The following PSG11 variants were observed in gnomAD, a reference collection of about 807,000 sequenced individuals.
The protein encoded by PSG11 is pregnancy-specific beta-1-glycoprotein 11.
Under a neutral mutation model 36.0 loss-of-function variants are expected in PSG11, and 42 were observed. The observed-to-expected ratio is 1.17, with a 90% CI of 0.91 to 1.51. The LOEUF (loss-of-function observed/expected upper bound fraction) is 1.51. PSG11 is among the 40% of genes most tolerant of loss of function. PSG11 has a pLI of 0.00. For missense variants in PSG11, 558 were observed against 403.5 expected, an observed-to-expected ratio of 1.38 and a Z score of -3.28; for synonymous variants, 206 against 153.5, an observed-to-expected ratio of 1.34 and a Z score of -2.53.
chr19:43,026,001 G>A (rs1455171600), intron 1 of PSG11, among the ~76,000 whole-genome samples: 1 of 132,748 alleles, frequency 7.5e-6, no homozygotes, highest in African/African-American at 2.9e-5. Flanking sequence ...GCGTGCAGTG[G>A]CACTATCTCA....
At position 43,018,782 on chromosome 19, in the gene PSG11, G is replaced by T; in HGVS notation, c.697C>A (p.Leu233Met). 1.2e-6 allele frequency: 2 copies of T among 1,612,130 alleles called. No individual in the cohort carries two copies. Among genetic ancestry groups the T allele is most frequent in the Non-Finnish European group, 1.7e-6 (2 of 1,179,060 alleles). The change falls in exon 3 of 6, where the codon CTG (leucine) becomes ATG (methionine). Residue 233 changes from leucine (L) to methionine (M), a missense_variant. By Grantham distance (15) the Leu-to-Met change is conservative. Transcript: ENST00000320078. Reference sequence around the variant, plus strand: ...AGAAGATACTCACGGAGGAGATTCAGGGTGACTGGGTCACTGCGGCTGGCA... The same window carrying T: ...AGAAGATACTCACGGAGGAGATTCATGGTGACTGGGTCACTGCGGCTGGCA... ...GSASRSDPVT[L>M]NLLHGPDLPR...
At chr19:43,009,930 A>G in intron 5 of PSG11, 28 bp downstream of exon 5, 1 of 1,500,944 alleles carries the variant, frequency 6.7e-7, no homozygotes, top group East Asian at 2.3e-5. Context: ...CCCTGCAGGA[A>G]CCAGGATAAG....
Position 43,020,245 on chromosome 19 carries a change from C to A in PSG11, c.431-1197G>T, listed in dbSNP as rs576222783. Among the ~76,000 whole-genome samples, 61 of 151,342 alleles carry A rather than the reference C, an allele frequency of 4.0e-4. 3 individuals are homozygous for A. The highest frequency in any genetic ancestry group is 7.7e-4 in the Non-Finnish European group (52 of 67,912). On this transcript the variant is annotated intron_variant, in intron 2 of 5. Transcript: ENST00000320078. ...GGTTAAAACAAAGTGTTTTGGAATT[C>A]TAATTTTTTTTATTTTGGAATATTT... is the stretch of plus-strand genomic sequence containing the variant.
At chr19:43,022,784 C>G (rs371594003) in intron 2 of PSG11, among the ~76,000 whole-genome samples, 1 of 150,850 alleles carries the variant, frequency 6.6e-6, no homozygotes, top group Non-Finnish European at 1.5e-5. Context: ...GACATTGGCT[C>G]GAGATGAAGC....
chr19:43,013,892 T>G lies in PSG11; in HGVS notation c.964+1224A>C, dbSNP rs569187921. ...TGAAAAGTCCATTGAAAGATAAGTG[T>G]GTAGGCAAAGGAGGTGTATCTATAC... On this transcript the variant is annotated intron_variant, in intron 4 of 5. Transcript: ENST00000320078. Among the ~76,000 whole-genome samples, 34 of 151,544 alleles carry G rather than the reference T, an allele frequency of 2.2e-4. 2 individuals are homozygous for G. The highest frequency in any genetic ancestry group is 7.8e-4 in the African/African-American group (32 of 41,192).
intron 3 of PSG11, among the ~76,000 whole-genome samples, chr19:43,016,880 T>C (rs1966980127): frequency 6.6e-6 from 1 of 151,278 alleles, no homozygotes; most frequent in African/African-American, 2.4e-5. Flanking sequence ...AACTGACTGG[T>C]GGAAAGGGTG....
At chr19:43,018,150 C>T (rs1967011083) in intron 3 of PSG11, among the ~76,000 whole-genome samples, 1 of 151,154 alleles carries the variant, frequency 6.6e-6, no homozygotes, top group Admixed American at 6.6e-5. Flanking sequence ...GAGATTTGTT[C>T]CACCAGTGGC....
rs532252286 is a variant in PSG11, at chr19:43,016,173, C to G, written c.710-803G>C. On this transcript the variant is annotated intron_variant, in intron 3 of 5. Coordinates refer to ENST00000320078, the MANE Select transcript of PSG11 (RefSeq NM_002785.3). The stretch of plus-strand genomic sequence containing the variant: ...AGTCCTTGAAAGCCAATAGCTGGTG[C>G]GTGTGTCACAAGACAGATGCATGAT... The G allele has an allele frequency of 3.6e-6, 5 of 1,388,188 alleles. No homozygotes were observed. In the African/African-American group the frequency reaches 4.4e-5, roughly 12 times the overall value. 86.0% of individuals were successfully genotyped at this position (1,388,188 alleles called of 1,614,324 possible).
intron 3 of PSG11, 22 bp downstream of exon 3, chr19:43,018,748 C>A (rs912329034): frequency 6.2e-7 from 1 of 1,612,080 alleles, no homozygotes; most frequent in South Asian, 1.1e-5. Flanking sequence ...GCCTGGCTCA[C>A]AGAGGAACAG....
intron 1 of PSG11, chr19:43,025,338 C>G: frequency 2.1e-6 from 1 of 480,756 alleles, no homozygotes; most frequent in Non-Finnish European, 3.5e-6. Context: ...TCCTCTTCCC[C>G]AGGGGTCCGC....
chr19:43,015,393 A>T, intron 3 of PSG11, 23 bp from the exon 4 acceptor site: 1 of 1,599,192 alleles, frequency 6.3e-7, no homozygotes, highest in Non-Finnish European at 8.5e-7. Context: ...GAATAAAGCC[A>T]CAGTTGATGT....
chr19:43,015,892 C>G (rs753435377), intron 3 of PSG11: 2 of 1,609,992 alleles, frequency 1.2e-6, no homozygotes, highest in South Asian at 1.1e-5. Context: ...TTCAATGGGT[C>G]GCTTTACCCT....
chr19:43,019,071 A>G (rs765456241), intron 2 of PSG11, 23 bp from the exon 3 acceptor site: 9 of 1,605,654 alleles, frequency 5.6e-6, no homozygotes, highest in African/African-American at 1.4e-5. Context: ...CAGAGAGAAG[A>G]TTGCCCTGTG....
At chr19:43,014,491 G>A (rs1276743291) in intron 4 of PSG11, 2 of 975,090 alleles carry the variant, frequency 2.1e-6, no homozygotes, top group African/African-American at 3.5e-5. Context: ...TTATTTCCTT[G>A]CAGCCTGGCC....
At chr19:43,014,397 C>G (rs1220257465) in intron 4 of PSG11, 10 of 942,228 alleles carry the variant, frequency 1.1e-5, no homozygotes, top group South Asian at 4.9e-5. Context: ...CTGTGTCCCA[C>G]GTGCTGTGCC....
intron 5 of PSG11, 97 bp from the exon 6 acceptor site, chr19:43,008,139 A>G (rs1973976927): frequency 6.5e-6 from 2 of 309,242 alleles, no homozygotes. Context: ...TAAAATGACT[A>G]TGTTTAAAAA....
At position 43,020,145 on chromosome 19, in the gene PSG11, C is replaced by T. The variant is rs532066726; in HGVS notation, c.431-1097G>A. Among the ~76,000 whole-genome samples, 32 of 151,346 alleles carry T rather than the reference C, an allele frequency of 2.1e-4. 1 individual carries two copies. The highest frequency in any genetic ancestry group is 6.6e-4 in the Admixed American group (10 of 15,192). On this transcript the variant is annotated intron_variant, in intron 2 of 5. Transcript: ENST00000320078. ...GGTGTGCGGTTTCAGTTATGCAGGA[C>T]GAGGAGGTTCTAGAGATCTCCTGTA...
chr19:43,008,707 G>C (rs1973994898), intron 5 of PSG11, among the ~76,000 whole-genome samples: 2 of 151,124 alleles, frequency 1.3e-5, no homozygotes, highest in South Asian at 4.2e-4. Flanking sequence ...TTCAGCTTCT[G>C]TTTCTCAAGA....
Position 43,009,978 on chromosome 19 carries a change from C to CA in PSG11, c.*19dup, listed in dbSNP as rs1974032094. On this transcript the variant is annotated 3_prime_UTR_variant, in exon 5 of 6. Transcript: ENST00000320078. ...CATACCTGCCAGTCTTCCTGAAATA[C>CA]AAAAATGACATCACGGCTGCTACGT... The CA allele has an allele frequency of 6.2e-7, 1 of 1,601,650 alleles. No homozygotes were observed. The highest frequency in any genetic ancestry group is 1.4e-5 in the African/African-American group (1 of 73,988).
Sources: gnomAD v4.1 joint callset for allele counts (sites outside exome capture counted in the v4.1 genomes callset) on GRCh38, gnomAD v4.1.1 for gene constraint, MANE v1.5 for transcripts, NCBI Gene and HGNC (gene_info 2026-07-23, HGNC 2026-07-21) for gene names.